Variants in DHX37 observed in about 807,000 individuals in gnomAD.
DHX37 encodes the protein DEAH-box helicase 37, also known as probable ATP-dependent RNA helicase DHX37.
A neutral mutation model predicts 134.3 loss-of-function variants in DHX37; 52 were observed. That is an observed-to-expected ratio of 0.39 (90% CI 0.31 to 0.49). DHX37 has a LOEUF of 0.49. DHX37 is among the 20% of genes least tolerant of loss of function. The pLI, the probability that DHX37 is intolerant of heterozygous loss-of-function variation, is 0.93. For missense variants in DHX37, 1,344 were observed against 1,580.8 expected, an observed-to-expected ratio of 0.85 and a Z score of 2.54; for synonymous variants, 634 against 670.7, an observed-to-expected ratio of 0.95 and a Z score of 0.85.
At chr12:124,977,210 T>C in intron 5 of DHX37, 132 bp downstream of exon 5, 1 of 1,149,044 alleles carries the variant, frequency 8.7e-7, no homozygotes, top group South Asian at 2.4e-5. Context: ...TTAAGTAGCT[T>C]GTCTGAAGTC....
At chr12:124,977,649 G>A (rs568244658) in intron 4 of DHX37, 159 bp from the exon 5 acceptor site, 86 of 442,806 alleles carry the variant, frequency 1.9e-4, no homozygotes, top group Non-Finnish European at 2.5e-4. Flanking sequence ...CCATGGTCCA[G>A]GAGAGACAGA....
chr12:124,987,818 C>T (rs1954903939), intron 1 of DHX37, among the ~76,000 whole-genome samples: 1 of 152,002 alleles, frequency 6.6e-6, no homozygotes, highest in Non-Finnish European at 1.5e-5. Context: ...CTGGAATGCT[C>T]CAATGAGCAT....
rs546909767 is a variant in DHX37 at position 124,963,597 on chromosome 12, C to A, written c.2045+797G>T. ...AGAATAAAGAAACAGTGGCCGGGCACGGTGGCTCACGCCTGTGATCCCAAC... is the reference window on the plus strand; with the variant it reads ...AGAATAAAGAAACAGTGGCCGGGCAAGGTGGCTCACGCCTGTGATCCCAAC... On this transcript the variant is annotated intron_variant, in intron 15 of 26. Coordinates refer to ENST00000308736, the MANE Select transcript of DHX37 (RefSeq NM_032656.4). Among the ~76,000 whole-genome samples the A allele has an allele frequency of 3.9e-5, 6 of 151,984 alleles. No homozygotes were observed. The East Asian group carries it at 1.2e-3, about 29-fold the overall frequency.
chr12:124,966,747 C>A (rs760056958), intron 12 of DHX37, 46 bp downstream of exon 12: 1 of 1,592,022 alleles, frequency 6.3e-7, no homozygotes, highest in South Asian at 1.1e-5. Flanking sequence ...CCATCCTGGA[C>A]AACGCAGCCT....
intron 6 of DHX37, among the ~76,000 whole-genome samples, chr12:124,973,840 T>C (rs1450514672): frequency 6.6e-6 from 1 of 152,120 alleles, no homozygotes; most frequent in Non-Finnish European, 1.5e-5. Context: ...ATGGGTTTTC[T>C]TCATGTTTGT....
intron 7 of DHX37, among the ~76,000 whole-genome samples, chr12:124,971,917 T>G (rs1266285649): frequency 6.6e-6 from 1 of 152,210 alleles, no homozygotes. Context: ...GTGGGCTGAC[T>G]AGGGAGGCAG....
At chr12:124,974,052 C>T (rs1247746410) in intron 6 of DHX37, among the ~76,000 whole-genome samples, 1 of 151,036 alleles carries the variant, frequency 6.6e-6, no homozygotes, top group African/African-American at 2.4e-5. Context: ...CTCCTGGGTT[C>T]ACGCCATTCT....
At chr12:124,971,242 C>T in intron 8 of DHX37, 60 bp downstream of exon 8, 1 of 1,575,266 alleles carries the variant, frequency 6.3e-7, no homozygotes, top group East Asian at 2.3e-5. Context: ...GCCCAAGCCT[C>T]TGACAGAGCT....
chr12:124,950,574 G>A (rs775962605), intron 22 of DHX37, 24 bp from the exon 23 acceptor site: 53 of 1,544,700 alleles, frequency 3.4e-5, no homozygotes, highest in Non-Finnish European at 4.5e-5. Flanking sequence ...GAGGAAGCTG[G>A]GGTTACAGCG....
intron 15 of DHX37, among the ~76,000 whole-genome samples, chr12:124,961,282 A>G (rs1277020096): frequency 1.6e-4 from 18 of 113,210 alleles, no homozygotes; most frequent in South Asian, 5.7e-4. Flanking sequence ...GTGCACGCAC[A>G]CACACTTACA....
chr12:124,949,511 C>G lies in DHX37; in HGVS notation c.3290+475G>C, dbSNP rs1158386426. Among the ~76,000 whole-genome samples the G allele has an allele frequency of 1.3e-5, 2 of 152,154 alleles. No homozygotes were observed. Among genetic ancestry groups the G allele is most frequent in the African/African-American group, 2.4e-5 (1 of 41,432 alleles). ...TCCCCAGGGCCAGGAGGGCAGGATG[C>G]CTCCCACTGACACCTGGCGGCTCTG... On this transcript the variant is annotated intron_variant, in intron 25 of 26. Coordinates refer to ENST00000308736, the MANE Select transcript of DHX37 (RefSeq NM_032656.4). The surrounding 1 kb of genome is among the most constrained non-coding windows in gnomAD (Gnocchi z 4.0).
At position 124,947,901 on chromosome 12, in the gene DHX37, AAGG is replaced by A. The variant is rs1953904321; in HGVS notation, c.3389-17_3389-15del. The A allele has an allele frequency of 2.5e-6, 4 of 1,610,256 alleles. No individual in the cohort carries two copies. The highest frequency in any genetic ancestry group is 1.7e-6 in the Non-Finnish European group (2 of 1,177,738). On this transcript the variant is annotated splice_polypyrimidine_tract_variant and intron_variant, in intron 26 of 26. Coordinates refer to ENST00000308736, the MANE Select transcript of DHX37 (RefSeq NM_032656.4). Reference sequence around the variant, plus strand: ...CAGCCAGCAGGTCTGCAGGGGAGGGAAGGAGGACAGTGTCAGGGTGACCCTGGG... The same window carrying A: ...CAGCCAGCAGGTCTGCAGGGGAGGGAAGGACAGTGTCAGGGTGACCCTGGG...
intron 6 of DHX37, among the ~76,000 whole-genome samples, chr12:124,973,987 G>A (rs1253573721): frequency 7.4e-6 from 1 of 134,308 alleles, no homozygotes; most frequent in Non-Finnish European, 1.5e-5. Context: ...TCGCTCTTTC[G>A]CCCAGGCCAG....
In DHX37 at chr12:124,947,409, A is replaced by C; in HGVS notation, c.*393T>G. The C allele has an allele frequency of 8.6e-5, 14 of 162,618 alleles. No individual in the cohort carries two copies. Among genetic ancestry groups the C allele is most frequent in the Non-Finnish European group, 1.6e-4 (12 of 75,236 alleles). 10.1% of individuals were successfully genotyped at this position (162,618 alleles called of 1,614,324 possible). ...AGCCCTCCCTGACTCTGGAGAGGGA[A>C]GAATTGCAGGAAGGAGGCCCTCCAC... On this transcript the variant is annotated 3_prime_UTR_variant, in exon 27 of 27. Coordinates refer to ENST00000308736, the MANE Select transcript of DHX37 (RefSeq NM_032656.4).
rs1954369596 is a variant in DHX37 at position 124,965,665 on chromosome 12, C to T, written c.1735+3G>A. On this transcript the variant is annotated splice_donor_region_variant and intron_variant, in intron 13 of 26. Coordinates refer to ENST00000308736, the MANE Select transcript of DHX37 (RefSeq NM_032656.4). ...TGAGCAGGAATCGGTGCTCGGGCCA[C>T]ACCTCCATCTTGCCCGCCATCCCCC... 1 of 1,603,874 alleles carries T rather than the reference C, an allele frequency of 6.2e-7. No homozygotes were observed. The highest frequency in any genetic ancestry group is 1.1e-5 in the South Asian group (1 of 88,786).
At chr12:124,977,615 G>A in intron 4 of DHX37, 125 bp from the exon 5 acceptor site, 1 of 1,163,222 alleles carries the variant, frequency 8.6e-7, no homozygotes, top group Non-Finnish European at 1.1e-6. Context: ...CAGAGGCCCT[G>A]ACAGCTGGGG....
chr12:124,960,475 C>G (rs775666125), intron 15 of DHX37, 52 bp from the exon 16 acceptor site: 6 of 1,600,198 alleles, frequency 3.7e-6, no homozygotes, highest in Non-Finnish European at 5.1e-6. Flanking sequence ...CCAAAAACCA[C>G]AGATGAATAC....
intron 4 of DHX37, among the ~76,000 whole-genome samples, chr12:124,979,233 T>C (rs552234926): frequency 3.9e-5 from 6 of 152,204 alleles, no homozygotes; most frequent in African/African-American, 1.2e-4. Flanking sequence ...CCAAGCGTAG[T>C]AGCGTGTGCC....
intron 22 of DHX37, 31 bp downstream of exon 22, chr12:124,950,659 G>C (rs1476041690): frequency 3.7e-6 from 6 of 1,608,128 alleles, no homozygotes; most frequent in Non-Finnish European, 5.1e-6. Context: ...TCACCATCGG[G>C]GGACAAGGGG....
Sources: allele counts gnomAD v4.1 joint callset (sites outside exome capture counted in the v4.1 genomes callset), GRCh38; gene constraint gnomAD v4.1.1; non-coding constraint Gnocchi (gnomAD v3.1); transcripts MANE v1.5; gene names NCBI Gene and HGNC (gene_info 2026-07-23, HGNC 2026-07-21).